Variants in STX16 observed in about 807,000 individuals in gnomAD.
STX16 encodes the protein syntaxin-16.
Under a neutral mutation model 42.7 loss-of-function variants are expected in STX16, and 28 were observed. That is an observed-to-expected ratio of 0.66 (90% CI 0.49 to 0.90). STX16 has a LOEUF of 0.90. Among genes scored for constraint, STX16 ranks in the 40% least tolerant of loss-of-function variants. The pLI is 0.00. For missense variants in STX16, 361 were observed against 420.9 expected (o/e 0.86, Z 1.24); for synonymous variants, 156 against 155.2 (o/e 1.00, Z -0.04).
chr20:58,651,765 G>A lies in STX16; in HGVS notation c.-242G>A. 2.2e-6 allele frequency: 1 copy of A among 464,236 alleles called. No homozygotes were observed. Among genetic ancestry groups the A allele is most frequent in the Non-Finnish European group, 3.9e-6 (1 of 253,810 alleles). 28.8% of individuals were successfully genotyped at this position (464,236 alleles called of 1,614,324 possible). A position where few individuals can be genotyped will look rare whatever the true frequency, so the allele number is the denominator to read the frequency against. ...AGGATTGGGGGGATTCAAGTGCTTA[G>A]AGATCGAAGTCTGCCCTGGGTAGGG... On this transcript the variant is annotated 5_prime_UTR_variant, in exon 1 of 9. Transcript: ENST00000371141.
chr20:58,664,157 A>G (rs1043773113), intron 2 of STX16, among the ~76,000 whole-genome samples: 5 of 152,228 alleles, frequency 3.3e-5, no homozygotes, highest in African/African-American at 1.2e-4. Context: ...ATGGAAAGTG[A>G]GGTTTCTGAA....
At chr20:58,654,414 TCTTCA>T (rs1321183272) in intron 1 of STX16, among the ~76,000 whole-genome samples, 2 of 152,234 alleles carry the variant, frequency 1.3e-5, no homozygotes, top group Non-Finnish European at 2.9e-5. Flanking sequence ...AAGTGTTACA[TCTTCA>T]CTTTGCTTAC....
In STX16 at chr20:58,678,741, G is replaced by A. The variant is rs2084200906; in HGVS notation, c.*2450G>A. The A allele has an allele frequency of 6.6e-6, 1 of 152,234 alleles. No individual in the cohort carries two copies. The highest frequency in any genetic ancestry group is 2.4e-5 in the African/African-American group (1 of 41,438). The allele number at this position is 152,234 out of a possible 1,614,324, so 9.4% of individuals were successfully genotyped here. A position where few individuals can be genotyped will look rare whatever the true frequency, so the allele number is the denominator to read the frequency against. ...CTGGCCTGTGTGCTGACTTCTTGGG[G>A]TCCTCAAACCACTGTATTTTTCTGT... is the stretch of plus-strand genomic sequence containing the variant. On this transcript the variant is annotated 3_prime_UTR_variant, in exon 9 of 9. Transcript: ENST00000371141.
Position 58,669,331 on chromosome 20 carries a change from G to C in STX16, c.434G>C (p.Ser145Thr). 6.2e-7 allele frequency: 1 copy of C among 1,611,892 alleles called. No individual in the cohort carries two copies. Among genetic ancestry groups the C allele is most frequent in the Non-Finnish European group, 8.5e-7 (1 of 1,179,208 alleles). ...RCQRAVQALP[S>T]RARACSEQEG... The stretch of plus-strand genomic sequence containing the variant: ...CAGCGTGCCGTGCAGGCCCTGCCGA[G>C]CCGGGCCCGGGCCTGCTCCGAGCAG... Residue 145 changes from serine (S) to threonine (T), a missense_variant, in exon 5 of 9, where the codon AGC becomes ACC. By Grantham distance (58) the Ser-to-Thr change is moderately conservative. Coordinates refer to ENST00000371141, the MANE Select transcript of STX16 (RefSeq NM_001001433.3).
chr20:58,661,690 G>A (rs142703188), intron 2 of STX16, among the ~76,000 whole-genome samples: 3 of 152,342 alleles, frequency 2.0e-5, no homozygotes, highest in African/African-American at 7.2e-5. Flanking sequence ...GTGATTGTGC[G>A]TTCAGGACTC....
intron 1 of STX16, among the ~76,000 whole-genome samples, chr20:58,653,778 T>C (rs1412156241): frequency 6.6e-6 from 1 of 152,088 alleles, no homozygotes; most frequent in Non-Finnish European, 1.5e-5. Context: ...TCAGTTTTAA[T>C]TGAAAAACAT....
At chr20:58,664,352 TCTC>T (rs2083767448) in intron 2 of STX16, among the ~76,000 whole-genome samples, 1 of 152,224 alleles carries the variant, frequency 6.6e-6, no homozygotes. Context: ...ACACATTTCT[TCTC>T]AATAGGGTGG....
At position 58,651,450 on chromosome 20, in the gene STX16, C is replaced by T. The variant is rs1178364556; in HGVS notation, c.-557C>T. On this transcript the variant is annotated 5_prime_UTR_variant, in exon 1 of 9. Coordinates refer to ENST00000371141, the MANE Select transcript of STX16 (RefSeq NM_001001433.3). ...GCCTCAGCAGGTTCAGACAAGTCCC[C>T]AGAAGGGAGCTGCAGGCGCCCTCGA... 6.5e-6 allele frequency: 1 copy of T among 153,824 alleles called. No individual in the cohort carries two copies. Among genetic ancestry groups the T allele is most frequent in the African/African-American group, 2.4e-5 (1 of 41,472 alleles). The allele number at this position is 153,824 out of a possible 1,614,324, so 9.5% of individuals were successfully genotyped here.
Position 58,678,957 on chromosome 20 carries a change from C to T in STX16, c.*2666C>T, listed in dbSNP as rs1478601250. The T allele has an allele frequency of 6.6e-6, 1 of 152,298 alleles. No homozygotes were observed. The highest frequency in any genetic ancestry group is 1.9e-4 in the East Asian group (1 of 5,198). 9.4% of individuals were successfully genotyped at this position (152,298 alleles called of 1,614,324 possible). A position where few individuals can be genotyped will look rare whatever the true frequency, so the allele number is the denominator to read the frequency against. On this transcript the variant is annotated 3_prime_UTR_variant, in exon 9 of 9. Coordinates refer to ENST00000371141, the MANE Select transcript of STX16 (RefSeq NM_001001433.3). ...GTCTCCTCTGCCTGGGATGCGCCCT[C>T]TGAGAGGAGGCCTAGCAGGGCAGGC...
rs1221408621 is a variant in STX16 at position 58,677,675 on chromosome 20, A to AGGTC, written c.*1384_*1385insGGTC. The stretch of plus-strand genomic sequence containing the variant: ...TGCTTCTCTTAAAAAGTTTAAGAAG[A>AGGTC]ATATGACCTCATTAAATGTGCTGTT... On this transcript the variant is annotated 3_prime_UTR_variant, in exon 9 of 9. Coordinates refer to ENST00000371141, the MANE Select transcript of STX16 (RefSeq NM_001001433.3). 1 of 152,216 alleles carries AGGTC rather than the reference A, an allele frequency of 6.6e-6. No homozygotes were observed. Among genetic ancestry groups the AGGTC allele is most frequent in the Non-Finnish European group, 1.5e-5 (1 of 68,036 alleles). 9.4% of individuals were successfully genotyped at this position (152,216 alleles called of 1,614,324 possible).
rs536894203 is a variant in STX16 at position 58,677,194 on chromosome 20, A to G, written c.*903A>G. 2 of 152,796 alleles carry G rather than the reference A, an allele frequency of 1.3e-5. No homozygotes were observed. The highest frequency in any genetic ancestry group is 2.4e-5 in the African/African-American group (1 of 41,582). 9.5% of individuals were successfully genotyped at this position (152,796 alleles called of 1,614,324 possible). On this transcript the variant is annotated 3_prime_UTR_variant, in exon 9 of 9. Coordinates refer to ENST00000371141, the MANE Select transcript of STX16 (RefSeq NM_001001433.3). Reference sequence around the variant, plus strand: ...AATCCATTACTTATATACTAACTACATAATGACCTGTTCAAACCAGACTCT... The same window carrying G: ...AATCCATTACTTATATACTAACTACGTAATGACCTGTTCAAACCAGACTCT...
chr20:58,667,145 G>C (rs771366731), intron 2 of STX16: 1 of 391,598 alleles, frequency 2.6e-6, no homozygotes, highest in East Asian at 6.8e-5. Context: ...AGTACTAGTA[G>C]TAAGAGGTCT....
At position 58,651,726 on chromosome 20, in the gene STX16, T is replaced by C. The variant is rs1355625819; in HGVS notation, c.-281T>C. ...GATTGGGGTGGGGTCTCTGGGACGTTGGATCGCTACGCAAGGATTGGGGGG... is the reference window on the plus strand; with the variant it reads ...GATTGGGGTGGGGTCTCTGGGACGTCGGATCGCTACGCAAGGATTGGGGGG... On this transcript the variant is annotated 5_prime_UTR_variant, in exon 1 of 9. Transcript: ENST00000371141. The C allele has an allele frequency of 1.2e-5, 4 of 346,698 alleles. No homozygotes were observed. The East Asian group carries it at 2.5e-4, about 22-fold the overall frequency. 21.5% of individuals were successfully genotyped at this position (346,698 alleles called of 1,614,324 possible). A position where few individuals can be genotyped will look rare whatever the true frequency, so the allele number is the denominator to read the frequency against.
chr20:58,673,023 C>G (rs1229611596), intron 7 of STX16, among the ~76,000 whole-genome samples: 1 of 152,166 alleles, frequency 6.6e-6, no homozygotes, highest in Non-Finnish European at 1.5e-5. Context: ...AAGCTCTGTT[C>G]TTCCTCATAG....
chr20:58,670,215 T>G (rs2083936344), intron 5 of STX16, among the ~76,000 whole-genome samples: 1 of 152,262 alleles, frequency 6.6e-6, no homozygotes, highest in South Asian at 2.1e-4. Context: ...GATTAAATAT[T>G]TCTGCTTCAC....
intron 7 of STX16, 126 bp from the exon 8 acceptor site, chr20:58,673,505 C>G (rs2084031134): frequency 1.5e-6 from 1 of 655,348 alleles, no homozygotes. Context: ...TGTGTACCTG[C>G]AGCACACAGG....
chr20:58,669,093 C>T (rs2083906532), intron 4 of STX16, among the ~76,000 whole-genome samples, 198 bp from the exon 5 acceptor site: 1 of 152,246 alleles, frequency 6.6e-6, no homozygotes, highest in South Asian at 2.1e-4. Flanking sequence ...GCAGGCCCTA[C>T]ATAGCAGGAG....
rs148806774 is a variant in STX16 at position 58,671,227 on chromosome 20, G to T, written c.722G>T (p.Arg241Leu). The change falls in exon 7 of 9, where the codon CGC becomes CTC. Residue 241 changes from arginine to leucine, a missense_variant. Physicochemically the swap from Arg to Leu is moderately radical, Grantham distance 102. Transcript: ENST00000371141. ...LMVEEREREIRQIVQSISDLN... is the reference protein window; with the variant it reads ...LMVEEREREILQIVQSISDLN... ...GTGGAAGAGCGGGAACGAGAGATTCGCCAGATTGTACAGTCCATTTCTGAC... is the reference window on the plus strand; with the variant it reads ...GTGGAAGAGCGGGAACGAGAGATTCTCCAGATTGTACAGTCCATTTCTGAC... The T allele has an allele frequency of 1.2e-5, 20 of 1,613,784 alleles. No homozygotes were observed. The African/African-American group carries it at 2.3e-4, about 18-fold the overall frequency.
chr20:58,668,961 A>T (rs2083902521), intron 4 of STX16, among the ~76,000 whole-genome samples: 1 of 152,164 alleles, frequency 6.6e-6, no homozygotes, highest in Admixed American at 6.5e-5. Context: ...ACTAGTAGGT[A>T]TTCTGCAAAT....
Sources: gnomAD v4.1 joint callset for allele counts (sites outside exome capture counted in the v4.1 genomes callset) on GRCh38, gnomAD v4.1.1 for gene constraint, MANE v1.5 for transcripts, NCBI Gene and HGNC (gene_info 2026-07-23, HGNC 2026-07-21) for gene names.